Variants in RCAN2 observed in about 807,000 individuals in gnomAD.
RCAN2 encodes the protein calcipressin-2.
RCAN2 carries 9 observed loss-of-function variants against 23.6 expected under a neutral mutation model. That is an observed-to-expected ratio of 0.38 (90% CI 0.23 to 0.67). The LOEUF is 0.67. RCAN2 is among the 30% of genes least tolerant of loss of function. RCAN2 has a pLI of 0.51. For missense variants in RCAN2, 273 were observed against 302.3 expected, an observed-to-expected ratio of 0.90 and a Z score of 0.72; for synonymous variants, 109 against 115.7, an observed-to-expected ratio of 0.94 and a Z score of 0.37.
In RCAN2 at chr6:46,220,899, G is replaced by C. The variant is rs1045672416; in HGVS notation, c.*2242C>G. The C allele has an allele frequency of 6.5e-6, 1 of 152,688 alleles. No individual in the cohort carries two copies. The highest frequency in any genetic ancestry group is 2.4e-5 in the African/African-American group (1 of 41,426). The allele number at this position is 152,688 out of a possible 1,614,324, so 9.5% of individuals were successfully genotyped here. ...ATGTGCGTCATGGAAATGCTGAGGCGATTCTGACTTTCACAGTGCTAGGAG... is the reference window on the plus strand; with the variant it reads ...ATGTGCGTCATGGAAATGCTGAGGCCATTCTGACTTTCACAGTGCTAGGAG... On this transcript the variant is annotated 3_prime_UTR_variant, in exon 5 of 5. Transcript: ENST00000371374.
intron 2 of RCAN2, among the ~76,000 whole-genome samples, chr6:46,434,047 T>C (rs1002778187): frequency 6.6e-6 from 1 of 152,220 alleles, no homozygotes; most frequent in African/African-American, 2.4e-5. Context: ...TGATTTGATA[T>C]GGTAATTAAT....
At chr6:46,309,400 G>A (rs2150355642) in intron 2 of RCAN2, among the ~76,000 whole-genome samples, 1 of 152,290 alleles carries the variant, frequency 6.6e-6, no homozygotes, top group Middle Eastern at 3.4e-3. Flanking sequence ...AAAAAAAGGA[G>A]ACATGGTTGT....
intron 2 of RCAN2, among the ~76,000 whole-genome samples, chr6:46,431,196 T>C (rs1348467455): frequency 1.3e-5 from 2 of 150,752 alleles, no homozygotes; most frequent in Admixed American, 6.6e-5. Context: ...GGAAGATTTG[T>C]ATTTTTAAAA....
chr6:46,461,218 G>A (rs1371866211), intron 1 of RCAN2, among the ~76,000 whole-genome samples: 1 of 152,056 alleles, frequency 6.6e-6, no homozygotes, highest in African/African-American at 2.4e-5. Flanking sequence ...CTGCTGTTTA[G>A]TATACCGCTC....
chr6:46,352,745 A>C (rs1764702567), intron 2 of RCAN2, among the ~76,000 whole-genome samples: 1 of 152,216 alleles, frequency 6.6e-6, no homozygotes, highest in South Asian at 2.1e-4. Flanking sequence ...ACATGAGGAC[A>C]CTGAGTACCC....
intron 2 of RCAN2, among the ~76,000 whole-genome samples, chr6:46,389,895 G>A (rs1475425099): frequency 6.6e-6 from 1 of 151,876 alleles, no homozygotes; most frequent in African/African-American, 2.4e-5. Context: ...AAGGAAGGCT[G>A]ACAAAATTCT....
At chr6:46,441,490 G>A (rs1767545211) in intron 2 of RCAN2, among the ~76,000 whole-genome samples, 1 of 152,140 alleles carries the variant, frequency 6.6e-6, no homozygotes. Flanking sequence ...TGCATTCTAT[G>A]TATAAATAAT....
At chr6:46,431,002 G>T (rs954063356) in intron 2 of RCAN2, among the ~76,000 whole-genome samples, 1 of 152,168 alleles carries the variant, frequency 6.6e-6, no homozygotes, top group African/African-American at 2.4e-5. Context: ...AATAATTAAT[G>T]AATGAAGACA....
chr6:46,382,660 G>A (rs1765642505), intron 2 of RCAN2, among the ~76,000 whole-genome samples: 1 of 151,964 alleles, frequency 6.6e-6, no homozygotes, highest in Admixed American at 6.6e-5. Context: ...TTTAAATACT[G>A]CTATAGCCAT....
At chr6:46,261,061 C>G (rs563751721) in intron 2 of RCAN2, among the ~76,000 whole-genome samples, 26 of 152,298 alleles carry the variant, frequency 1.7e-4, no homozygotes, top group African/African-American at 6.3e-4. Flanking sequence ...CCTTCTCTGG[C>G]CCATCAATTC....
Position 46,440,294 on chromosome 6 carries a change from G to A in RCAN2, c.225+16458C>T, listed in dbSNP as rs1767499248. ...AAAACCATGTGGACCTAGATGGCAC[G>A]TGTTCCTGGAAGATGTTGTTGTCAA... On this transcript the variant is annotated intron_variant, in intron 2 of 4. Coordinates refer to ENST00000371374, the MANE Select transcript of RCAN2 (RefSeq NM_001251974.2). Among the ~76,000 whole-genome samples, 4 of 152,066 alleles carry A rather than the reference G, an allele frequency of 2.6e-5. No homozygotes were observed. The South Asian group carries it at 6.2e-4, about 24-fold the overall frequency.
At chr6:46,356,218 C>G (rs567239967) in intron 2 of RCAN2, among the ~76,000 whole-genome samples, 1 of 152,166 alleles carries the variant, frequency 6.6e-6, no homozygotes, top group Non-Finnish European at 1.5e-5. Context: ...CAAACCTGCC[C>G]GGATCAGTAA....
intron 2 of RCAN2, among the ~76,000 whole-genome samples, chr6:46,420,101 T>A (rs2150411763): frequency 6.6e-6 from 1 of 152,278 alleles, no homozygotes; most frequent in African/African-American, 2.4e-5. Flanking sequence ...ACAACCAGTT[T>A]TCCTATGAAG....
chr6:46,298,488 C>A lies in RCAN2; in HGVS notation c.226-49592G>T, dbSNP rs529848671. Among the ~76,000 whole-genome samples the A allele has an allele frequency of 3.3e-5, 5 of 152,134 alleles. No homozygotes were observed. The South Asian group carries it at 1.0e-3, about 32-fold the overall frequency. ...TGCTAATGGCTCCATTCTTACAATG[C>A]GATGTTACCAGTACTTATGCTAAAC... On this transcript the variant is annotated intron_variant, in intron 2 of 4. Transcript: ENST00000371374.
intron 2 of RCAN2, among the ~76,000 whole-genome samples, chr6:46,334,351 C>T (rs1475196671): frequency 6.6e-6 from 1 of 152,192 alleles, no homozygotes; most frequent in African/African-American, 2.4e-5. Flanking sequence ...ACAAGGCCTG[C>T]CATGCAGTGA....
chr6:46,327,324 C>T (rs1280192359), intron 2 of RCAN2, among the ~76,000 whole-genome samples: 1 of 151,226 alleles, frequency 6.6e-6, no homozygotes, highest in Non-Finnish European at 1.5e-5. Flanking sequence ...CTGCTCTGAC[C>T]TTGAAATACG....
At chr6:46,478,099 A>AGAC (rs1053189834) in intron 1 of RCAN2, among the ~76,000 whole-genome samples, 2 of 152,220 alleles carry the variant, frequency 1.3e-5, no homozygotes, top group African/African-American at 2.4e-5. Flanking sequence ...TTTCTTGCAA[A>AGAC]GACTAGAATA....
intron 4 of RCAN2, among the ~76,000 whole-genome samples, chr6:46,243,511 G>A (rs374731572): frequency 7.9e-5 from 12 of 152,058 alleles, no homozygotes; most frequent in African/African-American, 2.7e-4. Flanking sequence ...ATTGGTGTTT[G>A]TTAGAAATAA....
chr6:46,473,947 A>C (rs891283710), intron 1 of RCAN2, among the ~76,000 whole-genome samples: 5 of 152,234 alleles, frequency 3.3e-5, no homozygotes, highest in African/African-American at 4.8e-5. Context: ...TACTATGTGC[A>C]AACTATCCTG....
Sources: allele counts gnomAD v4.1 joint callset (sites outside exome capture counted in the v4.1 genomes callset), GRCh38; gene constraint gnomAD v4.1.1; transcripts MANE v1.5; gene names NCBI Gene and HGNC (gene_info 2026-07-23, HGNC 2026-07-21).